STK32B: variants seen among roughly 807,000 people sequenced by gnomAD.
STK32B encodes serine/threonine-protein kinase 32B.
Under a neutral mutation model 52.6 loss-of-function variants are expected in STK32B, and 43 were observed. The observed-to-expected ratio is 0.82, with a 90% CI of 0.64 to 1.05. The LOEUF is 1.05. Ranked by LOEUF, STK32B falls within the 50% of genes least tolerant of loss-of-function variation. STK32B has a pLI of 0.00. For missense variants in STK32B, 621 were observed against 534.6 expected (o/e 1.16, Z -1.59); for synonymous variants, 238 against 204.3 (o/e 1.17, Z -1.41).
intron 3 of STK32B, among the ~76,000 whole-genome samples, chr4:5,266,873 A>G (rs1727088745): frequency 6.6e-6 from 1 of 152,168 alleles, no homozygotes; most frequent in African/African-American, 2.4e-5. Context: ...CTCCAACATC[A>G]TTTTAAAGTT....
At chr4:5,494,178 G>A (rs1719997864) in intron 11 of STK32B, among the ~76,000 whole-genome samples, 2 of 152,146 alleles carry the variant, frequency 1.3e-5, no homozygotes, top group Non-Finnish European at 2.9e-5. Context: ...TGACAGTGGG[G>A]TGTTAAAGTC....
rs1432121776 is a variant in STK32B, at chr4:5,460,155, G to C, written c.836G>C (p.Ser279Thr). 6.2e-7 allele frequency: 1 copy of C among 1,614,194 alleles called. No individual in the cohort carries two copies. Among genetic ancestry groups the C allele is most frequent in the South Asian group, 1.1e-5 (1 of 91,074 alleles). ...SRVSSLHDIQ[S>T]VPYLADMNWD... ...GTGTCCAGCCTTCATGACATACAGA[G>C]CGTGCCCTACTTGGCCGACATGAAC... Residue 279 changes from serine to threonine, a missense_variant, in exon 9 of 12, where the codon AGC becomes ACC. Coordinates refer to ENST00000282908, the MANE Select transcript of STK32B (RefSeq NM_018401.3). The surrounding 1 kb of genome is among the most constrained non-coding windows in gnomAD (Gnocchi z 4.8).
At chr4:5,087,591 T>C (rs1712805630) in intron 1 of STK32B, among the ~76,000 whole-genome samples, 1 of 151,812 alleles carries the variant, frequency 6.6e-6, no homozygotes, top group South Asian at 2.1e-4. Context: ...GATAGATAGA[T>C]AAATGATAGA....
intron 5 of STK32B, among the ~76,000 whole-genome samples, chr4:5,407,909 G>A (rs904179724): frequency 1.3e-5 from 2 of 152,054 alleles, no homozygotes; most frequent in South Asian, 2.1e-4. Context: ...CATGAGGGTG[G>A]AACCTGCATG....
At position 5,452,064 on chromosome 4, in the gene STK32B, A is replaced by C. The variant is rs1453873243; in HGVS notation, c.667-4743A>C. Among the ~76,000 whole-genome samples, 3 of 152,190 alleles carry C rather than the reference A, an allele frequency of 2.0e-5. No homozygotes were observed. The East Asian group carries it at 5.8e-4, about 29-fold the overall frequency. Reference sequence around the variant, plus strand: ...TCATACCTGTTTGCTGACCATTAGCATGTAAGGCCTATGGGCTTCATGAGC... The same window carrying C: ...TCATACCTGTTTGCTGACCATTAGCCTGTAAGGCCTATGGGCTTCATGAGC... On this transcript the variant is annotated intron_variant, in intron 7 of 11. Transcript: ENST00000282908.
At chr4:5,464,503 C>G (rs571614615) in intron 9 of STK32B, among the ~76,000 whole-genome samples, 1 of 152,346 alleles carries the variant, frequency 6.6e-6, no homozygotes, top group African/African-American at 2.4e-5. Flanking sequence ...GAAGTGTTGG[C>G]TGACCTCTCT....
intron 1 of STK32B, among the ~76,000 whole-genome samples, chr4:5,131,569 T>C (rs1057208817): frequency 4.6e-5 from 7 of 152,184 alleles, no homozygotes; most frequent in Admixed American, 3.9e-4. Flanking sequence ...CCTCTGACCC[T>C]GGCTTTCCCA....
At chr4:5,118,242 T>C (rs946101196) in intron 1 of STK32B, among the ~76,000 whole-genome samples, 2 of 152,204 alleles carry the variant, frequency 1.3e-5, no homozygotes, top group African/African-American at 4.8e-5. Context: ...CTTCTTGTTA[T>C]TGGTCTGTTC....
chr4:5,286,542 A>G (rs1262898896), intron 3 of STK32B, among the ~76,000 whole-genome samples: 2 of 152,196 alleles, frequency 1.3e-5, no homozygotes, highest in African/African-American at 2.4e-5. Context: ...TGAATTTTCT[A>G]TAAATAGAAT....
intron 11 of STK32B, among the ~76,000 whole-genome samples, chr4:5,478,763 G>A (rs1348324130): frequency 6.6e-6 from 1 of 152,114 alleles, no homozygotes; most frequent in African/African-American, 2.4e-5. Flanking sequence ...GAGGCTGGAG[G>A]AGATGAGGGG....
At chr4:5,193,853 T>C (rs1721428793) in intron 3 of STK32B, among the ~76,000 whole-genome samples, 1 of 152,252 alleles carries the variant, frequency 6.6e-6, no homozygotes, top group Non-Finnish European at 1.5e-5. Flanking sequence ...TTACAGAGAC[T>C]GCTGCATTCA....
rs530477654 is a variant in STK32B, at chr4:5,360,910, A to G, written c.434+29517A>G. 1.2e-4 allele frequency among the ~76,000 whole-genome samples: 18 copies of G among 152,320 alleles called. No homozygotes were observed. In the South Asian group the frequency reaches 3.7e-3, roughly 32 times the overall value. ...TTTTAAGAGTATTAAGTCCATTGTC[A>G]ATGCTGTGCAACCAATCTCCAGAAC... On this transcript the variant is annotated intron_variant, in intron 4 of 11. Transcript: ENST00000282908.
intron 3 of STK32B, among the ~76,000 whole-genome samples, chr4:5,297,525 G>A (rs1361207101): frequency 6.6e-6 from 1 of 150,462 alleles, no homozygotes; most frequent in Non-Finnish European, 1.5e-5. Context: ...TTATTAAGTT[G>A]ATCTTCAATC....
In STK32B at chr4:5,398,356, A is replaced by G; in HGVS notation, c.472+112A>G. 1.8e-6 allele frequency: 2 copies of G among 1,097,394 alleles called. No homozygotes were observed. Among genetic ancestry groups the G allele is most frequent in the South Asian group, 1.4e-5 (1 of 70,224 alleles). 68.0% of individuals were successfully genotyped at this position (1,097,394 alleles called of 1,614,324 possible). ...GCTGAGTTGGACATTAGCATTGGCT[A>G]GAAACCTTCTCTTGTTTCAATCCTG... is the stretch of plus-strand genomic sequence containing the variant. On this transcript the variant is annotated intron_variant, in intron 5 of 11. Coordinates refer to ENST00000282908, the MANE Select transcript of STK32B (RefSeq NM_018401.3). The surrounding 1 kb of genome is among the most constrained non-coding windows in gnomAD (Gnocchi z 4.9).
rs181165098 is a variant in STK32B at position 5,331,833 on chromosome 4, G to A, written c.434+440G>A. 3.0e-4 allele frequency among the ~76,000 whole-genome samples: 45 copies of A among 152,274 alleles called. No individual in the cohort carries two copies. The Middle Eastern group carries it at 0.01, about 35-fold the overall frequency. On this transcript the variant is annotated intron_variant, in intron 4 of 11. Coordinates refer to ENST00000282908, the MANE Select transcript of STK32B (RefSeq NM_018401.3). ...TAGGAAGCCTCAGTGCTGGCTCTGG[G>A]CTTTGCATAAAAGCTCTGAGTTTCT...
At chr4:5,184,961 G>T (rs1384716410) in intron 3 of STK32B, among the ~76,000 whole-genome samples, 1 of 152,216 alleles carries the variant, frequency 6.6e-6, no homozygotes, top group Non-Finnish European at 1.5e-5. Flanking sequence ...TGTCCTTTGA[G>T]GCTGGCCTCT....
chr4:5,477,770 G>T (rs1484440747), intron 11 of STK32B, among the ~76,000 whole-genome samples: 1 of 152,104 alleles, frequency 6.6e-6, no homozygotes, highest in Non-Finnish European at 1.5e-5. Context: ...ATGCTCACTG[G>T]CCGGAACTAG....
At position 5,243,979 on chromosome 4, in the gene STK32B, G is replaced by A. The variant is rs376561357; in HGVS notation, c.260+75529G>A. On this transcript the variant is annotated intron_variant, in intron 3 of 11. Transcript: ENST00000282908. ...TTTGATGTGCTGCTGGATTCAGTTT[G>A]CCAGTATTTTATTGAGGATTTTTGC... Among the ~76,000 whole-genome samples the A allele has an allele frequency of 3.7e-4, 56 of 152,166 alleles. 1 individual carries two copies. In the East Asian group the frequency reaches 6.9e-3, roughly 19 times the overall value.
chr4:5,474,614 C>G (rs568113676), intron 11 of STK32B, among the ~76,000 whole-genome samples: 1 of 152,138 alleles, frequency 6.6e-6, no homozygotes, highest in South Asian at 2.1e-4. Flanking sequence ...CTAGGCCTCC[C>G]AAAGTGAAGG....
Sources: allele counts gnomAD v4.1 joint callset (sites outside exome capture counted in the v4.1 genomes callset), GRCh38; gene constraint gnomAD v4.1.1; non-coding constraint Gnocchi (gnomAD v3.1); transcripts MANE v1.5; gene names NCBI Gene and HGNC (gene_info 2026-07-23, HGNC 2026-07-21).